PRDM12: variants seen among roughly 807,000 people sequenced by gnomAD.
PRDM12 encodes PR domain zinc finger protein 12.
Under a neutral mutation model 29.6 loss-of-function variants are expected in PRDM12, and 17 were observed. The observed-to-expected ratio is 0.57, with a 90% CI of 0.39 to 0.86. The LOEUF is 0.86. PRDM12 is among the 40% of genes least tolerant of loss of function. The pLI is 0.00. For missense variants in PRDM12, 422 were observed against 510.8 expected (o/e 0.83, Z 1.68); for synonymous variants, 231 against 225.8 (o/e 1.02, Z -0.21).
chr9:130,670,999 T>C (rs1216254460), intron 3 of PRDM12, among the ~76,000 whole-genome samples: 1 of 152,136 alleles, frequency 6.6e-6, no homozygotes. Context: ...CATTTGAGTT[T>C]ATAGGATTAG....
At chr9:130,675,672 G>T (rs537164638) in intron 3 of PRDM12, among the ~76,000 whole-genome samples, 1 of 152,322 alleles carries the variant, frequency 6.6e-6, no homozygotes, top group African/African-American at 2.4e-5. Flanking sequence ...ACTCAGTGAG[G>T]CCATGGCAAT....
At chr9:130,675,178 C>G (rs1564247381) in intron 3 of PRDM12, among the ~76,000 whole-genome samples, 1 of 152,350 alleles carries the variant, frequency 6.6e-6, no homozygotes, top group Non-Finnish European at 1.5e-5. Context: ...CTGCACCCAG[C>G]CTACTGTTAC....
chr9:130,680,169 T>A (rs1358035898), intron 4 of PRDM12, among the ~76,000 whole-genome samples: 1 of 151,558 alleles, frequency 6.6e-6, no homozygotes, highest in Admixed American at 6.6e-5. Context: ...AGACCCCATC[T>A]CTACAAAAAA....
At chr9:130,674,975 G>A (rs566403504) in intron 3 of PRDM12, among the ~76,000 whole-genome samples, 5 of 152,274 alleles carry the variant, frequency 3.3e-5, no homozygotes, top group African/African-American at 1.2e-4. Context: ...CGCCTCCCAA[G>A]TTCAGGCGAT....
Position 130,664,990 on chromosome 9 carries a change from A to C in PRDM12, c.223+114A>C. The C allele has an allele frequency of 9.0e-7, 1 of 1,106,890 alleles. No homozygotes were observed. Among genetic ancestry groups the C allele is most frequent in the Non-Finnish European group, 1.3e-6 (1 of 795,284 alleles). 68.6% of individuals were successfully genotyped at this position (1,106,890 alleles called of 1,614,324 possible). On this transcript the variant is annotated intron_variant, in intron 1 of 4. Coordinates refer to ENST00000253008, the MANE Select transcript of PRDM12 (RefSeq NM_021619.3). This position sits in a 1 kb window ranked among gnomAD's most constrained non-coding sequence, Gnocchi z 6.4. The stretch of plus-strand genomic sequence containing the variant: ...CCCGGCCTCGCTGCTACTCGCGCCA[A>C]CCTGGGCTCTCCCGGCGCTCGGTGC...
intron 3 of PRDM12, among the ~76,000 whole-genome samples, chr9:130,673,662 ATTTTTTTTT>A (rs35312514): frequency 1.0e-4 from 9 of 86,294 alleles, no homozygotes; most frequent in African/African-American, 3.4e-4. Context: ...CTCACGGCTA[ATTTTTTTTT>A]TTTTTTTTTT....
chr9:130,673,786 C>T (rs1353228471), intron 3 of PRDM12, among the ~76,000 whole-genome samples: 1 of 150,670 alleles, frequency 6.6e-6, no homozygotes, highest in Non-Finnish European at 1.5e-5. Context: ...ATTCTCCTGC[C>T]TCAGCCTCCT....
chr9:130,679,687 GTCTC>G (rs1422376529), intron 4 of PRDM12, among the ~76,000 whole-genome samples: 2 of 151,958 alleles, frequency 1.3e-5, no homozygotes, highest in African/African-American at 4.8e-5. Context: ...TTGAGACAGA[GTCTC>G]TCTCTGTCAC....
intron 4 of PRDM12, among the ~76,000 whole-genome samples, chr9:130,680,626 AAAAAAAAAATATATAT>A (rs1490918334): frequency 3.1e-5 from 2 of 65,494 alleles, no homozygotes; most frequent in African/African-American, 1.6e-4. Flanking sequence ...CTCCGTCTAA[AAAAAAAAAATATATAT>A]ATATATATAT....
Position 130,666,785 on chromosome 9 carries a change from A to G in PRDM12, c.401A>G (p.Asn134Ser), listed in dbSNP as rs374410529. ...PEHVDICKNNNLMWEVFNEDG... is the reference protein window; with the variant it reads ...PEHVDICKNNSLMWEVFNEDG... The stretch of plus-strand genomic sequence containing the variant: ...CACGTGGACATCTGCAAGAACAACA[A>G]CCTCATGTGGGAGGTACGCGCGGGC... The change falls in exon 2 of 5, where the codon AAC (asparagine) becomes AGC (serine). Residue 134 changes from asparagine to serine, a missense_variant. This residue lies in a region of PRDM12 where 300 missense variants were observed against 350.0 expected (regional missense o/e 0.86). Transcript: ENST00000253008. The G allele has an allele frequency of 4.3e-5, 70 of 1,609,282 alleles. No homozygotes were observed. Among genetic ancestry groups the G allele is most frequent in the Non-Finnish European group, 5.4e-5 (64 of 1,177,998 alleles).
chr9:130,664,882 T>A lies in PRDM12; in HGVS notation c.223+6T>A. On this transcript the variant is annotated splice_donor_region_variant and intron_variant, in intron 1 of 4. Coordinates refer to ENST00000253008, the MANE Select transcript of PRDM12 (RefSeq NM_021619.3). This position sits in a 1 kb window ranked among gnomAD's most constrained non-coding sequence, Gnocchi z 6.4. ...GGCGCAGTCCTTCTCCGGCGGTGAG[T>A]CCAGCCGTCGGAGCCCGGCGCAATC... 1 of 1,522,914 alleles carries A rather than the reference T, an allele frequency of 6.6e-7. No individual in the cohort carries two copies. Among genetic ancestry groups the A allele is most frequent in the Non-Finnish European group, 8.8e-7 (1 of 1,131,534 alleles). The allele number at this position is 1,522,914 out of a possible 1,614,324, so 94.3% of individuals were successfully genotyped here.
At chr9:130,667,728 G>T (rs1000537767) in intron 2 of PRDM12, among the ~76,000 whole-genome samples, 1 of 152,154 alleles carries the variant, frequency 6.6e-6, no homozygotes, top group Non-Finnish European at 1.5e-5. Flanking sequence ...AGGCCAAGCT[G>T]GAGTGCCACA....
Position 130,668,342 on chromosome 9 carries a change from A to G in PRDM12, c.570+29A>G, listed in dbSNP as rs766245229. The G allele has an allele frequency of 6.2e-7, 1 of 1,608,610 alleles. No individual in the cohort carries two copies. Among genetic ancestry groups the G allele is most frequent in the Non-Finnish European group, 8.5e-7 (1 of 1,176,484 alleles). ...TGTGTGTGTGTGTGCACTGTTGTGT[A>G]GGGACCAGCCGGTAAACCCGGCGGG... On this transcript the variant is annotated intron_variant, in intron 3 of 4. Coordinates refer to ENST00000253008, the MANE Select transcript of PRDM12 (RefSeq NM_021619.3). The surrounding 1 kb of genome is among the most constrained non-coding windows in gnomAD (Gnocchi z 4.0).
chr9:130,680,635 ATATATATATATATATAT>A (rs1241117739), intron 4 of PRDM12, among the ~76,000 whole-genome samples: 1 of 81,964 alleles, frequency 1.2e-5, no homozygotes, highest in South Asian at 4.1e-4. Context: ...AAAAAAAAAA[ATATATATATATATATAT>A]ATATATATTT....
chr9:130,667,575 C>A (rs139133123), intron 2 of PRDM12, among the ~76,000 whole-genome samples: 2 of 151,978 alleles, frequency 1.3e-5, no homozygotes, highest in South Asian at 2.1e-4. Flanking sequence ...GATAGAACTG[C>A]GGGATGGCCC....
chr9:130,676,095 A>C (rs1372143085), intron 3 of PRDM12, among the ~76,000 whole-genome samples: 1 of 152,172 alleles, frequency 6.6e-6, no homozygotes, highest in Non-Finnish European at 1.5e-5. Context: ...ATTTATGTTA[A>C]ATATTTCAAT....
chr9:130,674,492 TTGTGTGTGTG>T (rs58489448), intron 3 of PRDM12, among the ~76,000 whole-genome samples: 44 of 142,896 alleles, frequency 3.1e-4, no homozygotes, highest in South Asian at 4.7e-4. Context: ...AAAAGATAAT[TTGTGTGTGTG>T]TGTGTGTGTG....
chr9:130,680,659 A>ATATATATATCTATATTTTT, intron 4 of PRDM12, among the ~76,000 whole-genome samples: 1 of 72,200 alleles, frequency 1.4e-5, no homozygotes, highest in Non-Finnish European at 2.2e-5. Context: ...ATATATATAT[A>ATATATATATCTATATTTTT]TTTTTTTTTT....
rs1042321872 is a variant in PRDM12, at chr9:130,678,516, T to G, written c.571-13T>G. 1 of 1,599,262 alleles carries G rather than the reference T, an allele frequency of 6.3e-7. No homozygotes were observed. Among genetic ancestry groups the G allele is most frequent in the Non-Finnish European group, 8.6e-7 (1 of 1,168,646 alleles). On this transcript the variant is annotated splice_polypyrimidine_tract_variant and intron_variant, in intron 3 of 4. Coordinates refer to ENST00000253008, the MANE Select transcript of PRDM12 (RefSeq NM_021619.3). ...GCGGCCTCCCTGACCTCCTCTTGCC[T>G]TCTTCCCTGCAGATGATCCCACCTG...
Sources: gnomAD v4.1 joint callset for allele counts (sites outside exome capture counted in the v4.1 genomes callset) on GRCh38, gnomAD v4.1.1 for gene constraint, gnomAD v4.1.1 regional missense constraint, Gnocchi (gnomAD v3.1) non-coding constraint, MANE v1.5 for transcripts, NCBI Gene and HGNC (gene_info 2026-07-23, HGNC 2026-07-21) for gene names.